CACNA2D3: variants seen among roughly 807,000 people sequenced by gnomAD.
CACNA2D3 encodes the protein voltage-dependent calcium channel subunit alpha-2/delta-3.
A neutral mutation model predicts 160.6 loss-of-function variants in CACNA2D3; 60 were observed. The observed-to-expected ratio is 0.37, with a 90% CI of 0.30 to 0.46. The LOEUF is 0.46. Ranked by LOEUF, CACNA2D3 falls within the 20% of genes least tolerant of loss-of-function variation. The probability of loss-of-function intolerance (pLI) is 1.00; values close to 1 mark genes in which losing one functional copy is unlikely to be tolerated. For synonymous variants in CACNA2D3, 558 were observed against 492.9 expected (o/e 1.13, Z -1.75); for missense variants, 1,205 against 1,365.0 (o/e 0.88, Z 1.85).
chr3:54,127,367 A>G (rs1170840537), intron 2 of CACNA2D3, among the ~76,000 whole-genome samples: 1 of 152,214 alleles, frequency 6.6e-6, no homozygotes, highest in African/African-American at 2.4e-5. Context: ...TATAAAGTTG[A>G]TATCTCTTTC....
chr3:55,035,820 A>G (rs1488424835), intron 35 of CACNA2D3, among the ~76,000 whole-genome samples: 1 of 152,194 alleles, frequency 6.6e-6, no homozygotes, highest in Non-Finnish European at 1.5e-5. Flanking sequence ...GGATAATTCT[A>G]AAAATGCTTT....
At chr3:54,163,250 C>T (rs1700383001) in intron 2 of CACNA2D3, among the ~76,000 whole-genome samples, 1 of 152,162 alleles carries the variant, frequency 6.6e-6, no homozygotes, top group Admixed American at 6.5e-5. Context: ...TCTCAGTGTC[C>T]TACAACAGCT....
At chr3:54,373,428 G>A (rs2107550718) in intron 3 of CACNA2D3, among the ~76,000 whole-genome samples, 1 of 152,264 alleles carries the variant, frequency 6.6e-6, no homozygotes. Context: ...GAACAAATGA[G>A]AAAACAGTTG....
At position 54,540,858 on chromosome 3, in the gene CACNA2D3, C is replaced by G. The variant is rs182066799; in HGVS notation, c.545-21942C>G. On this transcript the variant is annotated intron_variant, in intron 5 of 37. Coordinates refer to ENST00000474759, the MANE Select transcript of CACNA2D3 (RefSeq NM_018398.3). ...TCTATGAATTCTGTGGGGACATAAA[C>G]ATTCATTCCATAGCAGTAACCTTAT... Among the ~76,000 whole-genome samples the G allele has an allele frequency of 7.6e-4, 116 of 152,258 alleles. 1 individual carries two copies. The highest frequency in any genetic ancestry group is 3.4e-3 in the Middle Eastern group (1 of 294).
chr3:54,645,733 G>C lies in CACNA2D3; in HGVS notation c.1167+3492G>C, dbSNP rs527773131. 1.4e-4 allele frequency among the ~76,000 whole-genome samples: 22 copies of C among 152,278 alleles called. No individual in the cohort carries two copies. The South Asian group carries it at 4.4e-3, about 30-fold the overall frequency. ...CCAGAGGCCATTTGTCCTTGCCTGA[G>C]CCCTAAACTCAAAACTCCCTAGGAA... On this transcript the variant is annotated intron_variant, in intron 11 of 37. Transcript: ENST00000474759.
rs572941222 is a variant in CACNA2D3, at chr3:54,293,918, C to T, written c.205-26524C>T. On this transcript the variant is annotated intron_variant, in intron 2 of 37. Coordinates refer to ENST00000474759, the MANE Select transcript of CACNA2D3 (RefSeq NM_018398.3). ...TTATCAAAACAAATAAAATTGCACA[C>T]CCAAAAGAGTGCATGCCTGAAACAT... is the stretch of plus-strand genomic sequence containing the variant. 3.3e-5 allele frequency among the ~76,000 whole-genome samples: 5 copies of T among 152,158 alleles called. No individual in the cohort carries two copies. In the South Asian group the frequency reaches 1.0e-3, roughly 32 times the overall value.
At position 54,291,871 on chromosome 3, in the gene CACNA2D3, A is replaced by G. The variant is rs1457957213; in HGVS notation, c.205-28571A>G. 1.3e-5 allele frequency among the ~76,000 whole-genome samples: 2 copies of G among 152,216 alleles called. 1 individual carries two copies. The highest frequency in any genetic ancestry group is 1.3e-4 in the Admixed American group (2 of 15,276). On this transcript the variant is annotated intron_variant, in intron 2 of 37. Transcript: ENST00000474759. ...AGTAAATTTCTGTTACGTGCTGAAC[A>G]CTGTGCTAAACATTTTGAAATGTAA... is the stretch of plus-strand genomic sequence containing the variant.
intron 11 of CACNA2D3, among the ~76,000 whole-genome samples, chr3:54,729,195 A>G (rs1701336293): frequency 6.6e-6 from 1 of 152,138 alleles, no homozygotes; most frequent in Admixed American, 6.5e-5. Context: ...TGCTGGGATT[A>G]TAGGTGTGAG....
intron 11 of CACNA2D3, among the ~76,000 whole-genome samples, chr3:54,674,961 A>C (rs1700215220): frequency 6.6e-6 from 1 of 152,174 alleles, no homozygotes; most frequent in Admixed American, 6.5e-5. Flanking sequence ...GAATGACAAC[A>C]GGAAGAGACT....
intron 29 of CACNA2D3, among the ~76,000 whole-genome samples, chr3:54,970,411 C>T (rs1156698513): frequency 6.8e-6 from 1 of 146,762 alleles, no homozygotes; most frequent in African/African-American, 2.5e-5. Flanking sequence ...TGTTCTCTCT[C>T]TCTCTCTCCG....
Position 54,186,671 on chromosome 3 carries a change from T to G in CACNA2D3, c.204+63077T>G, listed in dbSNP as rs1246553565. On this transcript the variant is annotated intron_variant, in intron 2 of 37. Coordinates refer to ENST00000474759, the MANE Select transcript of CACNA2D3 (RefSeq NM_018398.3). ...TAGTTTTAAGATAATAGAACTGCAT[T>G]TTTTAATGTGCTCTCTGCTGTGTCT... Among the ~76,000 whole-genome samples, 3 of 152,216 alleles carry G rather than the reference T, an allele frequency of 2.0e-5. No homozygotes were observed. The East Asian group carries it at 5.8e-4, about 29-fold the overall frequency.
At position 54,196,481 on chromosome 3, in the gene CACNA2D3, G is replaced by A. The variant is rs1701083505; in HGVS notation, c.204+72887G>A. Among the ~76,000 whole-genome samples, 3 of 152,276 alleles carry A rather than the reference G, an allele frequency of 2.0e-5. No individual in the cohort carries two copies. In the East Asian group the frequency reaches 5.8e-4, roughly 29 times the overall value. ...GAAAGCCTTTGCTAGACCCCAGCTT[G>A]CCTCCTGCCCACGTCACAGCCCTCC... On this transcript the variant is annotated intron_variant, in intron 2 of 37. Transcript: ENST00000474759.
chr3:54,220,656 G>C (rs1342965745), intron 2 of CACNA2D3, among the ~76,000 whole-genome samples: 1 of 152,112 alleles, frequency 6.6e-6, no homozygotes, highest in East Asian at 1.9e-4. Flanking sequence ...TCTAGCTTCA[G>C]GTCTTAGCCC....
At chr3:54,765,113 A>G (rs1702197832) in intron 13 of CACNA2D3, among the ~76,000 whole-genome samples, 1 of 152,162 alleles carries the variant, frequency 6.6e-6, no homozygotes. Flanking sequence ...CACATTAATC[A>G]CTGTAACCCA....
chr3:54,889,644 G>A (rs1186558946), intron 24 of CACNA2D3, among the ~76,000 whole-genome samples: 1 of 152,190 alleles, frequency 6.6e-6, no homozygotes, highest in African/African-American at 2.4e-5. Context: ...GAAAATGACT[G>A]AAAGTCTCCC....
chr3:54,653,934 C>T (rs925171502), intron 11 of CACNA2D3, among the ~76,000 whole-genome samples: 8 of 152,134 alleles, frequency 5.3e-5, no homozygotes, highest in African/African-American at 1.9e-4. Context: ...TAAGGGAATC[C>T]TCTCCTCTGC....
chr3:54,608,140 A>G (rs982789657), intron 9 of CACNA2D3, among the ~76,000 whole-genome samples: 1 of 152,198 alleles, frequency 6.6e-6, no homozygotes, highest in Non-Finnish European at 1.5e-5. Flanking sequence ...TGTACACACA[A>G]CAAAAAAATG....
At chr3:54,946,766 T>C (rs151281593) in intron 27 of CACNA2D3, among the ~76,000 whole-genome samples, 2,362 of 150,668 alleles carry the variant, frequency 0.016, 36 homozygotes, top group Non-Finnish European at 0.024. Context: ...CCCGAAATCA[T>C]GGAAGAAATG....
At chr3:54,318,129 AATCTTT>A (rs377321284) in intron 2 of CACNA2D3, among the ~76,000 whole-genome samples, 14,232 of 152,176 alleles carry the variant, frequency 0.094, 848 homozygotes, top group East Asian at 0.18. Context: ...CATCCAGAGA[AATCTTT>A]TGTGTCTGCT....
Sources: allele counts gnomAD v4.1 joint callset (sites outside exome capture counted in the v4.1 genomes callset), GRCh38; gene constraint gnomAD v4.1.1; transcripts MANE v1.5; gene names NCBI Gene and HGNC (gene_info 2026-07-23, HGNC 2026-07-21).